Variants in ARID3A observed in about 807,000 individuals in gnomAD.
The protein encoded by ARID3A is AT-rich interaction domain 3A, also known as AT-rich interactive domain-containing protein 3A.
In ARID3A, 11 loss-of-function variants were observed where a neutral mutation model predicts 52.7. The ratio of observed to expected loss-of-function variants is 0.21; its 90% CI spans 0.13 to 0.35. ARID3A has a LOEUF of 0.35. Among genes scored for constraint, ARID3A ranks in the 10% least tolerant of loss-of-function variants. The pLI is 1.00. For synonymous variants in ARID3A, 404 were observed against 359.4 expected, an observed-to-expected ratio of 1.12 and a Z score of -1.40; for missense variants, 721 against 838.5, an observed-to-expected ratio of 0.86 and a Z score of 1.73.
intron 3 of ARID3A, among the ~76,000 whole-genome samples, chr19:955,035 G>A (rs764369493): frequency 3.9e-5 from 6 of 152,188 alleles, no homozygotes; most frequent in Non-Finnish European, 5.9e-5. Context: ...TGTGGTGGGC[G>A]GCTGATTTCA....
rs1053345305 is a variant in ARID3A at position 964,465 on chromosome 19, A to G, written c.950+34A>G. ...CGGACGGTTGTGCCGAGGTCGGGCCAGGGCACTCTGAGCAGCCAGTGCAAG... is the reference window on the plus strand; with the variant it reads ...CGGACGGTTGTGCCGAGGTCGGGCCGGGGCACTCTGAGCAGCCAGTGCAAG... On this transcript the variant is annotated intron_variant, in intron 5 of 8. Transcript: ENST00000263620. The surrounding 1 kb of genome is among the most constrained non-coding windows in gnomAD (Gnocchi z 5.7). 5 of 1,541,476 alleles carry G rather than the reference A, an allele frequency of 3.2e-6. No individual in the cohort carries two copies. The highest frequency in any genetic ancestry group is 4.4e-6 in the Non-Finnish European group (5 of 1,140,998).
intron 4 of ARID3A, among the ~76,000 whole-genome samples, chr19:961,167 G>A (rs2038033253): frequency 6.6e-6 from 1 of 152,194 alleles, no homozygotes. Context: ...GAGGTCGGAA[G>A]GGGTGGGGCA....
chr19:951,734 A>C (rs2145417554), intron 3 of ARID3A, among the ~76,000 whole-genome samples: 1 of 152,256 alleles, frequency 6.6e-6, no homozygotes, highest in East Asian at 1.9e-4. Context: ...ACTCAGATCT[A>C]TTGCTGCTGC....
chr19:971,726 G>T, intron 8 of ARID3A, 152 bp from the exon 9 acceptor site: 1 of 980,718 alleles, frequency 1.0e-6, no homozygotes, highest in Admixed American at 3.0e-5. Context: ...GGTTGAGGCT[G>T]CAGTGAGCTC....
chr19:931,645 C>T (rs1487272403), intron 2 of ARID3A, among the ~76,000 whole-genome samples: 8 of 151,726 alleles, frequency 5.3e-5, no homozygotes, highest in Admixed American at 2.6e-4. Context: ...ACCCCGTCTC[C>T]ACTAAAAATA....
chr19:934,128 G>A (rs2037391423), intron 3 of ARID3A, among the ~76,000 whole-genome samples: 1 of 152,008 alleles, frequency 6.6e-6, no homozygotes, highest in East Asian at 1.9e-4. Flanking sequence ...CAGCCCGCAG[G>A]GAGCCCTGGG....
chr19:960,103 C>T lies in ARID3A; in HGVS notation c.705C>T (p.Leu235=), dbSNP rs755197409. 3.3e-5 allele frequency: 54 copies of T among 1,613,036 alleles called. No homozygotes were observed. The highest frequency in any genetic ancestry group is 4.2e-5 in the Non-Finnish European group (49 of 1,179,452). ...YEEQFKQLYE[L]DGDPKRKEFL... is the part of the protein sequence containing the mutation. ...CTCCACCCTCACAGCTCTACGAACT[C>T]GACGGGGACCCCAAGAGGAAGGAAT... The change falls in exon 4 of 9, where the codon CTC becomes CTT. Residue 235 remains leucine, a synonymous_variant. Coordinates refer to ENST00000263620, the MANE Select transcript of ARID3A (RefSeq NM_005224.3). The surrounding 1 kb of genome is among the most constrained non-coding windows in gnomAD (Gnocchi z 4.3).
chr19:936,529 C>T (rs1036250930), intron 3 of ARID3A, among the ~76,000 whole-genome samples: 5 of 151,734 alleles, frequency 3.3e-5, no homozygotes, highest in East Asian at 1.9e-4. Context: ...GGTGACAGAG[C>T]GAGACCCTGT....
intron 1 of ARID3A, among the ~76,000 whole-genome samples, chr19:927,822 G>C (rs1265268469): frequency 6.6e-6 from 1 of 152,088 alleles, no homozygotes; most frequent in Non-Finnish European, 1.5e-5. Context: ...TGGGACCTCT[G>C]TCCCCACAAC....
At chr19:943,529 C>T (rs1390764766) in intron 3 of ARID3A, among the ~76,000 whole-genome samples, 1 of 151,704 alleles carries the variant, frequency 6.6e-6, no homozygotes, top group Non-Finnish European at 1.5e-5. Context: ...GATCGCACCA[C>T]TACACTCCAG....
chr19:968,554 G>A (rs1166924982), intron 8 of ARID3A, 51 bp downstream of exon 8: 13 of 1,556,962 alleles, frequency 8.3e-6, no homozygotes, highest in East Asian at 2.3e-5. Flanking sequence ...TCCCGCCGCC[G>A]TGAACTCAGG....
chr19:929,825 G>C lies in ARID3A; in HGVS notation c.297G>C (p.Pro99=), dbSNP rs1481609997. ...AGGACGCGGCCCGGGAGGGGACACCGGGCTCACCCGGGCGAGGCAGAGAAG... is the reference window on the plus strand; with the variant it reads ...AGGACGCGGCCCGGGAGGGGACACCCGGCTCACCCGGGCGAGGCAGAGAAG... ...EEEDAAREGT[P]GSPGRGREGP... Residue 99 remains proline (P), a synonymous_variant, in exon 2 of 9, where the codon CCG becomes CCC. Coordinates refer to ENST00000263620, the MANE Select transcript of ARID3A (RefSeq NM_005224.3). The surrounding 1 kb of genome is among the most constrained non-coding windows in gnomAD (Gnocchi z 6.2). The C allele has an allele frequency of 6.5e-7, 1 of 1,544,986 alleles. No homozygotes were observed. The highest frequency in any genetic ancestry group is 8.7e-7 in the Non-Finnish European group (1 of 1,147,520).
At chr19:926,325 T>G (rs1018291810) in intron 1 of ARID3A, among the ~76,000 whole-genome samples, 2 of 151,386 alleles carry the variant, frequency 1.3e-5, no homozygotes, top group Admixed American at 1.3e-4. Flanking sequence ...GGTCCCGGAC[T>G]GGGAAGGCGG....
At position 972,011 on chromosome 19, in the gene ARID3A, G is replaced by A; in HGVS notation, c.1728G>A (p.Gly576=). Residue 576 remains glycine (G), a synonymous_variant, in exon 9 of 9, where the codon GGG becomes GGA. Coordinates refer to ENST00000263620, the MANE Select transcript of ARID3A (RefSeq NM_005224.3). ...GNTGTSGGQA[G]PAGLSTPSTS... is the part of the protein sequence containing the mutation. The stretch of plus-strand genomic sequence containing the variant: ...CCGGAACCAGCGGCGGCCAGGCTGG[G>A]CCAGCGGGGCTGTCCACACCCTCCA... 6.3e-7 allele frequency: 1 copy of A among 1,598,764 alleles called. No homozygotes were observed. The highest frequency in any genetic ancestry group is 8.5e-7 in the Non-Finnish European group (1 of 1,173,628).
chr19:933,505 G>T (rs897709202), intron 3 of ARID3A, among the ~76,000 whole-genome samples: 27 of 152,174 alleles, frequency 1.8e-4, no homozygotes, highest in Admixed American at 6.5e-4. Flanking sequence ...GGCGCGGCTG[G>T]GGGGAGCCAC....
intron 3 of ARID3A, among the ~76,000 whole-genome samples, chr19:937,456 G>A (rs2037460198): frequency 6.6e-6 from 1 of 152,106 alleles, no homozygotes; most frequent in Admixed American, 6.6e-5. Flanking sequence ...TTCCGCTGTT[G>A]GTGACCACTC....
At chr19:937,232 C>T (rs2037456191) in intron 3 of ARID3A, among the ~76,000 whole-genome samples, 1 of 152,200 alleles carries the variant, frequency 6.6e-6, no homozygotes, top group African/African-American at 2.4e-5. Flanking sequence ...CCACTGCACT[C>T]CAGCCTGGGC....
chr19:948,409 A>C (rs1342237938), intron 3 of ARID3A, among the ~76,000 whole-genome samples: 1 of 152,086 alleles, frequency 6.6e-6, no homozygotes, highest in Non-Finnish European at 1.5e-5. Context: ...GCGAGATTCA[A>C]AATCCCCCGG....
intron 3 of ARID3A, among the ~76,000 whole-genome samples, chr19:934,479 G>A (rs2037398932): frequency 6.6e-6 from 1 of 152,224 alleles, no homozygotes; most frequent in Admixed American, 6.5e-5. Flanking sequence ...GGTGCCATGT[G>A]GGGTTTTTCT....
Sources: allele counts gnomAD v4.1 joint callset (sites outside exome capture counted in the v4.1 genomes callset), GRCh38; gene constraint gnomAD v4.1.1; non-coding constraint Gnocchi (gnomAD v3.1); transcripts MANE v1.5; gene names NCBI Gene and HGNC (gene_info 2026-07-23, HGNC 2026-07-21).